Variants in FMN2 observed in about 807,000 individuals in gnomAD.
FMN2 encodes the protein formin 2.
Under a neutral mutation model 142.3 loss-of-function variants are expected in FMN2, and 51 were observed. That is an observed-to-expected ratio of 0.36 (90% CI 0.29 to 0.45). The LOEUF (loss-of-function observed/expected upper bound fraction) is 0.45. FMN2 is among the 20% of genes least tolerant of loss of function. The pLI, the probability that FMN2 is intolerant of heterozygous loss-of-function variation, is 1.00. For missense variants in FMN2, 1,936 were observed against 2,122.8 expected, an observed-to-expected ratio of 0.91 and a Z score of 1.73; for synonymous variants, 882 against 869.8, an observed-to-expected ratio of 1.01 and a Z score of -0.25.
chr1:240,394,083 G>C (rs1208396974), intron 15 of FMN2, among the ~76,000 whole-genome samples: 1 of 152,128 alleles, frequency 6.6e-6, no homozygotes, highest in Non-Finnish European at 1.5e-5. Context: ...AGGAAGAGGA[G>C]GTACTCAGCA....
intron 8 of FMN2, among the ~76,000 whole-genome samples, chr1:240,314,898 G>A (rs1221099230): frequency 1.3e-5 from 2 of 152,144 alleles, no homozygotes; most frequent in Admixed American, 1.3e-4. Flanking sequence ...ACATTAACAA[G>A]CCTTTTAGCT....
intron 6 of FMN2, among the ~76,000 whole-genome samples, chr1:240,250,531 T>A (rs1208800138): frequency 6.6e-6 from 1 of 152,176 alleles, no homozygotes; most frequent in African/African-American, 2.4e-5. Flanking sequence ...ATCAGGATAT[T>A]GGCCTGTAGT....
chr1:240,107,920 C>A (rs942583897), intron 1 of FMN2, among the ~76,000 whole-genome samples: 1 of 152,084 alleles, frequency 6.6e-6, no homozygotes, highest in Non-Finnish European at 1.5e-5. Flanking sequence ...CTCAATATCC[C>A]TAGTGTCAAG....
chr1:240,390,249 G>A (rs1673559373), intron 14 of FMN2, among the ~76,000 whole-genome samples: 2 of 152,130 alleles, frequency 1.3e-5, no homozygotes, highest in Admixed American at 6.5e-5. Context: ...GTAAAATAAT[G>A]TATAATAGAG....
intron 4 of FMN2, 89 bp from the exon 5 acceptor site, chr1:240,206,710 A>AT: frequency 7.0e-7 from 1 of 1,425,188 alleles, no homozygotes; most frequent in African/African-American, 1.4e-5. Context: ...GAAGTATGAC[A>AT]ACAAACAGAT....
At chr1:240,201,741 C>CT (rs1183115177) in intron 4 of FMN2, among the ~76,000 whole-genome samples, 2 of 152,002 alleles carry the variant, frequency 1.3e-5, no homozygotes, top group African/African-American at 2.4e-5. Flanking sequence ...AAAAGTGAAT[C>CT]TTTTTTTCAT....
At chr1:240,218,918 C>T (rs1165034512) in intron 6 of FMN2, among the ~76,000 whole-genome samples, 4 of 152,064 alleles carry the variant, frequency 2.6e-5, no homozygotes, top group South Asian at 2.1e-4. Flanking sequence ...ATAGTGCAAA[C>T]TGTGGGTGGT....
chr1:240,226,361 AGACC>A (rs1667299040), intron 6 of FMN2, among the ~76,000 whole-genome samples: 2 of 152,224 alleles, frequency 1.3e-5, no homozygotes, highest in East Asian at 1.9e-4. Context: ...GAATTAATGA[AGACC>A]AGAAGGCAGT....
intron 7 of FMN2, among the ~76,000 whole-genome samples, chr1:240,286,757 T>C (rs1213268401): frequency 6.6e-6 from 1 of 152,170 alleles, no homozygotes; most frequent in Non-Finnish European, 1.5e-5. Context: ...ACAGTGCAAA[T>C]GGAATGAAGC....
chr1:240,384,480 T>C (rs1238718675), intron 14 of FMN2, among the ~76,000 whole-genome samples: 1 of 152,148 alleles, frequency 6.6e-6, no homozygotes, highest in Non-Finnish European at 1.5e-5. Context: ...ATCTTTCTTC[T>C]TGACATCTCG....
intron 6 of FMN2, among the ~76,000 whole-genome samples, chr1:240,236,443 G>A (rs1667713216): frequency 6.6e-6 from 1 of 152,168 alleles, no homozygotes; most frequent in Non-Finnish European, 1.5e-5. Context: ...AAAGACCCCT[G>A]TGTTAGTTTT....
intron 10 of FMN2, among the ~76,000 whole-genome samples, chr1:240,330,018 A>G (rs1671325967): frequency 6.6e-6 from 1 of 152,362 alleles, no homozygotes; most frequent in South Asian, 2.1e-4. Context: ...GCGGTAAATC[A>G]TTTTGAAAAG....
At chr1:240,128,132 C>T (rs544685704) in intron 2 of FMN2, among the ~76,000 whole-genome samples, 1 of 152,300 alleles carries the variant, frequency 6.6e-6, no homozygotes, top group African/African-American at 2.4e-5. Context: ...AGGGATCATA[C>T]TAATGCTTGC....
At chr1:240,340,447 G>C (rs192886455) in intron 13 of FMN2, among the ~76,000 whole-genome samples, 13 of 152,212 alleles carry the variant, frequency 8.5e-5, no homozygotes, top group Admixed American at 4.6e-4. Flanking sequence ...CGGGCATGGT[G>C]GTGGGCGCCT....
chr1:240,229,800 C>G (rs2103440854), intron 6 of FMN2, among the ~76,000 whole-genome samples: 1 of 87,478 alleles, frequency 1.1e-5, no homozygotes, highest in Admixed American at 9.6e-5. Context: ...GCATGCACCA[C>G]CATGCCCAGC....
chr1:240,198,361 T>C (rs1475423354), intron 4 of FMN2, among the ~76,000 whole-genome samples: 1 of 152,196 alleles, frequency 6.6e-6, no homozygotes, highest in Non-Finnish European at 1.5e-5. Context: ...TCAGCTCCCA[T>C]TCTAAAGAGA....
chr1:240,200,266 G>C (rs193259581), intron 4 of FMN2, among the ~76,000 whole-genome samples: 1 of 152,214 alleles, frequency 6.6e-6, no homozygotes, highest in African/African-American at 2.4e-5. Flanking sequence ...TGCTTAAATG[G>C]CAAGAAAATG....
chr1:240,092,714 C>A lies in FMN2; in HGVS notation c.605C>A (p.Ala202Glu), dbSNP rs551900026. The A allele has an allele frequency of 6.2e-7, 1 of 1,613,576 alleles. No homozygotes were observed. The highest frequency in any genetic ancestry group is 2.2e-5 in the East Asian group (1 of 44,868). Reference protein sequence around the residue: ...QEDLLSDIQQAIRLQQQQQQQ... With the variant: ...QEDLLSDIQQEIRLQQQQQQQ... ...GATTTGCTTTCAGACATCCAGCAGG[C>A]GATCCGCCTGCAGCAGCAGCAGCAG... Residue 202 changes from alanine (A) to glutamate (E), a missense_variant, in exon 1 of 18, where the codon GCG becomes GAG. Physicochemically the swap from Ala to Glu is moderately radical, Grantham distance 107. Coordinates refer to ENST00000319653, the MANE Select transcript of FMN2 (RefSeq NM_020066.5).
intron 2 of FMN2, among the ~76,000 whole-genome samples, chr1:240,128,969 G>T (rs1221300222): frequency 2.6e-5 from 4 of 152,054 alleles, no homozygotes; most frequent in African/African-American, 9.7e-5. Flanking sequence ...CGCCTCTTGG[G>T]TTCAAGGGAT....
Sources: gnomAD v4.1 joint callset for allele counts (sites outside exome capture counted in the v4.1 genomes callset) on GRCh38, gnomAD v4.1.1 for gene constraint, MANE v1.5 for transcripts, NCBI Gene and HGNC (gene_info 2026-07-23, HGNC 2026-07-21) for gene names.